Variants in C13orf42 observed in about 807,000 individuals in gnomAD.
C13orf42 encodes uncharacterized protein C13orf42.
Position 51,153,621 on chromosome 13 carries a change from G to GTTTTTTTTTT in C13orf42, n.136+18631_136+18632insAAAAAAAAAA, listed in dbSNP as rs1202370498. ...TTATCAACCCATTTTCTTGCTTTCT[G>GTTTTTTTTTT]TTTTTTTTCTTTTTTTTTTTTTTTT... is the stretch of plus-strand genomic sequence containing the variant. On this transcript the variant is annotated intron_variant and non_coding_transcript_variant, in intron 1 of 4. Coordinates refer to the C13orf42 transcript ENST00000433280. 3.0e-3 allele frequency among the ~76,000 whole-genome samples: 242 copies of GTTTTTTTTTT among 81,990 alleles called. 4 individuals are homozygous for GTTTTTTTTTT. The highest frequency in any genetic ancestry group is 6.9e-3 in the South Asian group (17 of 2,462). 53.8% of individuals were successfully genotyped at this position (81,990 alleles called of 152,430 possible).
intron 1 of C13orf42, among the ~76,000 whole-genome samples, chr13:51,110,412 A>G (rs1953414271): frequency 6.6e-6 from 1 of 152,086 alleles, no homozygotes; most frequent in Non-Finnish European, 1.5e-5. Context: ...GGACACCACT[A>G]CCTGCTCCTT....
intron 1 of C13orf42, among the ~76,000 whole-genome samples, chr13:51,165,408 T>G (rs1049838278): frequency 6.6e-6 from 1 of 152,188 alleles, no homozygotes; most frequent in Non-Finnish European, 1.5e-5. Context: ...TATCATACTC[T>G]CCTCAAATTA....
intron 1 of C13orf42, among the ~76,000 whole-genome samples, chr13:51,156,273 C>A (rs1263361194): frequency 7.1e-6 from 1 of 140,022 alleles, no homozygotes; most frequent in East Asian, 1.9e-4. Context: ...GGATTTGGCC[C>A]TTCCATTTGA....
chr13:51,102,129 C>T (rs1390559411), intron 1 of C13orf42, among the ~76,000 whole-genome samples: 2 of 152,132 alleles, frequency 1.3e-5, no homozygotes, highest in Non-Finnish European at 2.9e-5. Context: ...TTTTTACTGC[C>T]TTTCAACTAT....
chr13:51,115,240 T>C (rs1459765703), upstream of C13orf42, among the ~76,000 whole-genome samples: 1 of 152,202 alleles, frequency 6.6e-6, no homozygotes, highest in African/African-American at 2.4e-5. Context: ...CAGGCTCAAA[T>C]GGGCCATCCT....
chr13:51,171,173 C>G (rs1953947370), intron 1 of C13orf42, among the ~76,000 whole-genome samples: 1 of 152,050 alleles, frequency 6.6e-6, no homozygotes, highest in Non-Finnish European at 1.5e-5. Flanking sequence ...CCTGTGTTCT[C>G]AAAAACTTAA....
upstream of C13orf42, chr13:51,111,295 A>C: frequency 2.5e-6 from 1 of 397,768 alleles, no homozygotes; most frequent in Non-Finnish European, 4.4e-6. Context: ...GCCGACATCC[A>C]GGCCTCGCAC....
chr13:51,086,316 AC>A (rs1953125139), intron 2 of C13orf42, among the ~76,000 whole-genome samples: 3 of 135,724 alleles, frequency 2.2e-5, no homozygotes, highest in Non-Finnish European at 3.2e-5. Flanking sequence ...AAAAAAAAAA[AC>A]AAAAAAAAAC....
At chr13:51,155,681 T>C (rs951929768) in intron 1 of C13orf42, among the ~76,000 whole-genome samples, 3 of 152,210 alleles carry the variant, frequency 2.0e-5, no homozygotes, top group African/African-American at 7.2e-5. Flanking sequence ...TATTTCCAAG[T>C]GGACAAGATG....
Position 51,107,879 on chromosome 13 carries a change from G to GGAGAA in C13orf42, c.414+2912_414+2916dup, listed in dbSNP as rs574629773. Among the ~76,000 whole-genome samples, 611 of 152,292 alleles carry GGAGAA rather than the reference G, an allele frequency of 4.0e-3. 4 individuals are homozygous for GGAGAA. Among genetic ancestry groups the GGAGAA allele is most frequent in the Non-Finnish European group, 6.9e-3 (472 of 68,030 alleles). Reference sequence around the variant, plus strand: ...ATAGAGGTGTGTTCAGACCAATGCCGGAGAAGAGAAGAGGCTAATTCTATA... The same window carrying GGAGAA: ...ATAGAGGTGTGTTCAGACCAATGCCGGAGAAGAGAAGAGAAGAGGCTAATTCTATA... On this transcript the variant is annotated intron_variant, in intron 1 of 3. Coordinates refer to ENST00000563710, the MANE Select transcript of C13orf42 (RefSeq NM_001351589.3).
At chr13:51,116,071 A>AG (rs368694203), upstream of C13orf42, among the ~76,000 whole-genome samples, 1 of 102,242 alleles carries the variant, frequency 9.8e-6, no homozygotes, top group African/African-American at 4.7e-5. Context: ...AACCTCTAAT[A>AG]AAAAAAAAAA....
intron 1 of C13orf42, among the ~76,000 whole-genome samples, chr13:51,128,848 A>G (rs1328530791): frequency 6.6e-6 from 1 of 152,218 alleles, no homozygotes; most frequent in Non-Finnish European, 1.5e-5. Flanking sequence ...AGCTTGTAAT[A>G]ACTGAAGAGA....
chr13:51,103,626 G>A (rs892854812), intron 1 of C13orf42, among the ~76,000 whole-genome samples: 1 of 152,046 alleles, frequency 6.6e-6, no homozygotes, highest in Non-Finnish European at 1.5e-5. Flanking sequence ...ACTTGAACCC[G>A]GGAGGCAGAG....
intron 1 of C13orf42, among the ~76,000 whole-genome samples, chr13:51,166,473 C>T (rs61958502): frequency 0.14 from 16,910 of 120,136 alleles, 1,447 homozygotes; most frequent in Non-Finnish European, 0.19. Context: ...GGGATAGCAT[C>T]GGGAGACATA....
upstream of C13orf42, among the ~76,000 whole-genome samples, chr13:51,116,221 T>C (rs1026942712): frequency 2.0e-5 from 3 of 152,166 alleles, no homozygotes; most frequent in African/African-American, 4.8e-5. Flanking sequence ...ATCGTGTACA[T>C]TGCTGCCCAT....
intron 1 of C13orf42, among the ~76,000 whole-genome samples, chr13:51,158,017 C>G (rs557147974): frequency 1.3e-5 from 2 of 152,184 alleles, no homozygotes; most frequent in Non-Finnish European, 2.9e-5. Context: ...CAAACAACAA[C>G]AAAAAACCAG....
At position 51,088,067 on chromosome 13, in the gene C13orf42, G is replaced by A. The variant is rs1000365982; in HGVS notation, c.423C>T (p.Thr141=). Residue 141 remains threonine, a synonymous_variant, in exon 2 of 4, where the codon ACC becomes ACT. Transcript: ENST00000563710. ...RSTPKEIKKA[T]PKKYSQFSAD... is the part of the protein sequence containing the mutation. Reference sequence around the variant, plus strand: ...CACTGAACTGCGAGTATTTCTTTGGGGTTGCTTTCTGCAAGAGGTGAAGGG... The same window carrying A: ...CACTGAACTGCGAGTATTTCTTTGGAGTTGCTTTCTGCAAGAGGTGAAGGG... 1.3e-5 allele frequency: 5 copies of A among 398,658 alleles called. No individual in the cohort carries two copies. Among genetic ancestry groups the A allele is most frequent in the African/African-American group, 1.0e-4 (5 of 48,622 alleles). 24.7% of individuals were successfully genotyped at this position (398,658 alleles called of 1,614,324 possible). A position where few individuals can be genotyped will look rare whatever the true frequency, so the allele number is the denominator to read the frequency against.
intron 1 of C13orf42, chr13:51,161,797 C>A: frequency 3.1e-6 from 1 of 325,400 alleles, no homozygotes; most frequent in South Asian, 3.3e-5. Context: ...GAACCATAAC[C>A]AGGGAATCGT....
chr13:51,125,073 A>G (rs1163178817), intron 1 of C13orf42, among the ~76,000 whole-genome samples: 1 of 152,028 alleles, frequency 6.6e-6, no homozygotes, highest in Non-Finnish European at 1.5e-5. Context: ...GGGCCTAAAG[A>G]TCGTTTCAGA....
Sources: allele counts gnomAD v4.1 joint callset (sites outside exome capture counted in the v4.1 genomes callset), GRCh38; gene constraint gnomAD v4.1.1; transcripts MANE v1.5; gene names NCBI Gene and HGNC (gene_info 2026-07-23, HGNC 2026-07-21).